Variants in EMC4 observed in about 807,000 individuals in gnomAD.
EMC4 encodes the protein cell proliferation-inducing gene 17 protein.
In EMC4, 9 loss-of-function variants were observed where a neutral mutation model predicts 24.2. The observed-to-expected ratio is 0.37, with a 90% confidence interval of 0.22 to 0.65. The LOEUF (loss-of-function observed/expected upper bound fraction) is 0.65. Ranked by LOEUF, EMC4 falls within the 30% of genes least tolerant of loss-of-function variation. The pLI, the probability that EMC4 is intolerant of heterozygous loss-of-function variation, is 0.59. For missense variants in EMC4, 169 were observed against 234.6 expected, an observed-to-expected ratio of 0.72 and a Z score of 1.83; for synonymous variants, 86 against 81.1, an observed-to-expected ratio of 1.06 and a Z score of -0.32.
intron 3 of EMC4, 75 bp from the exon 4 acceptor site, chr15:34,228,354 T>C (rs1890708478): frequency 1.3e-6 from 2 of 1,499,902 alleles, no homozygotes; most frequent in African/African-American, 2.8e-5. Context: ...TCTATATGAA[T>C]TTAATATACA....
chr15:34,229,917 C>T lies in EMC4; in HGVS notation c.*129C>T, dbSNP rs1890808204. The T allele has an allele frequency of 1.2e-6, 1 of 857,556 alleles. No individual in the cohort carries two copies. The highest frequency in any genetic ancestry group is 1.7e-5 in the African/African-American group (1 of 59,634). 53.1% of individuals were successfully genotyped at this position (857,556 alleles called of 1,614,324 possible). A position where few individuals can be genotyped will look rare whatever the true frequency, so the allele number is the denominator to read the frequency against. On this transcript the variant is annotated 3_prime_UTR_variant, in exon 5 of 5. Transcript: ENST00000267750. ...AAAAAGAACCAAAAGACTCTTTTCT[C>T]CATGGTGGGGTGACAGGTCCTAGAA...
chr15:34,225,166 G>C lies in EMC4; in HGVS notation c.52G>C (p.Ala18Pro). 1 of 1,551,536 alleles carries C rather than the reference G, an allele frequency of 6.4e-7. No homozygotes were observed. Among genetic ancestry groups the C allele is most frequent in the Non-Finnish European group, 8.7e-7 (1 of 1,146,894 alleles). The stretch of plus-strand genomic sequence containing the variant: ...TAACCGAGGCCGGCGCTTCAAGTGG[G>C]CCATTGAGCTAAGCGGGCCTGGAGG... ...VANRGRRFKWAIELSGPGGGS... is the reference protein window; with the variant it reads ...VANRGRRFKWPIELSGPGGGS... The change falls in exon 1 of 5, where the codon GCC becomes CCC. Residue 18 changes from alanine to proline, a missense_variant. Coordinates refer to ENST00000267750, the MANE Select transcript of EMC4 (RefSeq NM_016454.4).
In EMC4 at chr15:34,228,233, C is replaced by T. The variant is rs1890701945; in HGVS notation, c.356-196C>T. ...ATTCTTAGGGACAGTTTTTGGCTAACAGGTATATAGGGGAGTGGGGTAATG... is the reference window on the plus strand; with the variant it reads ...ATTCTTAGGGACAGTTTTTGGCTAATAGGTATATAGGGGAGTGGGGTAATG... On this transcript the variant is annotated intron_variant, in intron 3 of 4. Transcript: ENST00000267750. 5 of 578,388 alleles carry T rather than the reference C, an allele frequency of 8.6e-6. No homozygotes were observed. In the South Asian group the frequency reaches 9.1e-5, roughly 11 times the overall value. 35.8% of individuals were successfully genotyped at this position (578,388 alleles called of 1,614,324 possible).
intron 3 of EMC4, 97 bp downstream of exon 3, chr15:34,227,943 GGC>G: frequency 2.3e-6 from 3 of 1,324,864 alleles, no homozygotes; most frequent in South Asian, 1.3e-5. Context: ...CACTTTGGGA[GGC>G]GCCAAGCTGG....
chr15:34,227,608 G>A lies in EMC4; in HGVS notation c.202-85G>A, dbSNP rs532818522. The A allele has an allele frequency of 9.8e-6, 14 of 1,433,842 alleles. No individual in the cohort carries two copies. In the African/African-American group the frequency reaches 1.3e-4, roughly 13 times the overall value. 88.8% of individuals were successfully genotyped at this position (1,433,842 alleles called of 1,614,324 possible). On this transcript the variant is annotated intron_variant, in intron 2 of 4. Transcript: ENST00000267750. ...TTAGAAGCAGGGAGTTGGGAATTCC[G>A]TTCATGTGATTTAGCATCAGTGATA...
At position 34,225,031 on chromosome 15, in the gene EMC4, G is replaced by A. The variant is rs188449544; in HGVS notation, c.-84G>A. On this transcript the variant is annotated 5_prime_UTR_variant, in exon 1 of 5. Transcript: ENST00000267750. ...CGCCGGAAGTGCATTTGCAGAGTGA[G>A]ACAAAGCGGAGAACGCTGGTGGGCC... 3.0e-5 allele frequency: 35 copies of A among 1,170,712 alleles called. No homozygotes were observed. In the African/African-American group the frequency reaches 4.7e-4, roughly 16 times the overall value. 72.5% of individuals were successfully genotyped at this position (1,170,712 alleles called of 1,614,324 possible).
chr15:34,229,813 C>T lies in EMC4; in HGVS notation c.*25C>T. 6.2e-7 allele frequency: 1 copy of T among 1,611,518 alleles called. No individual in the cohort carries two copies. ...AACATGAGAAAGCAGCGCCTGGTCC[C>T]TATGTATTTGGGTCTTATTTACATC... On this transcript the variant is annotated 3_prime_UTR_variant, in exon 5 of 5. Coordinates refer to ENST00000267750, the MANE Select transcript of EMC4 (RefSeq NM_016454.4).
intron 1 of EMC4, 104 bp from the exon 2 acceptor site, chr15:34,225,432 G>A: frequency 1.1e-6 from 1 of 937,582 alleles, no homozygotes; most frequent in East Asian, 2.4e-5. Context: ...TCTAATCTGA[G>A]TAGGTGCATC....
chr15:34,229,813 C>G lies in EMC4; in HGVS notation c.*25C>G. 1 of 1,611,518 alleles carries G rather than the reference C, an allele frequency of 6.2e-7. No individual in the cohort carries two copies. The highest frequency in any genetic ancestry group is 1.1e-5 in the South Asian group (1 of 91,012). ...AACATGAGAAAGCAGCGCCTGGTCCCTATGTATTTGGGTCTTATTTACATC... is the reference window on the plus strand; with the variant it reads ...AACATGAGAAAGCAGCGCCTGGTCCGTATGTATTTGGGTCTTATTTACATC... On this transcript the variant is annotated 3_prime_UTR_variant, in exon 5 of 5. Coordinates refer to ENST00000267750, the MANE Select transcript of EMC4 (RefSeq NM_016454.4).
chr15:34,225,411 AG>A (rs1890623354), intron 1 of EMC4, 124 bp from the exon 2 acceptor site: 2 of 842,296 alleles, frequency 2.4e-6, no homozygotes, highest in Non-Finnish European at 3.9e-6. Flanking sequence ...GGAACATACG[AG>A]GGGGCTTGGT....
chr15:34,226,405 T>G (rs1890651514), intron 2 of EMC4: 1 of 153,046 alleles, frequency 6.5e-6, no homozygotes, highest in East Asian at 1.9e-4. Flanking sequence ...GTATTGATTT[T>G]TTAAAAATTA....
intron 1 of EMC4, 41 bp downstream of exon 1, chr15:34,225,241 G>T: frequency 6.8e-7 from 1 of 1,471,022 alleles, no homozygotes; most frequent in Non-Finnish European, 9.2e-7. Flanking sequence ...GTTCATCCCA[G>T]AACTGCACCA....
At position 34,228,349 on chromosome 15, in the gene EMC4, A is replaced by G. The variant is rs1291536351; in HGVS notation, c.356-80A>G. On this transcript the variant is annotated intron_variant, in intron 3 of 4. Transcript: ENST00000267750. ...GCTGTCTTACTATGGGTCTGTCTATATGAATTTAATATACAGTTGGCTTGA... is the reference window on the plus strand; with the variant it reads ...GCTGTCTTACTATGGGTCTGTCTATGTGAATTTAATATACAGTTGGCTTGA... The G allele has an allele frequency of 1.6e-5, 23 of 1,465,858 alleles. No individual in the cohort carries two copies. The East Asian group carries it at 4.3e-4, about 27-fold the overall frequency. The allele number at this position is 1,465,858 out of a possible 1,614,324, so 90.8% of individuals were successfully genotyped here. A position where few individuals can be genotyped will look rare whatever the true frequency, so the allele number is the denominator to read the frequency against.
Position 34,229,961 on chromosome 15 carries a change from G to A in EMC4, c.*173G>A, listed in dbSNP as rs746181651. 42 of 660,834 alleles carry A rather than the reference G, an allele frequency of 6.4e-5. No individual in the cohort carries two copies. Among genetic ancestry groups the A allele is most frequent in the Non-Finnish European group, 8.5e-5 (32 of 374,968 alleles). 40.9% of individuals were successfully genotyped at this position (660,834 alleles called of 1,614,324 possible). A position where few individuals can be genotyped will look rare whatever the true frequency, so the allele number is the denominator to read the frequency against. On this transcript the variant is annotated 3_prime_UTR_variant, in exon 5 of 5. Transcript: ENST00000267750. ...CCTAGAAGGACAATGTGCATATTAC[G>A]ACAAACACAAAGAAACTATACCATA... is the stretch of plus-strand genomic sequence containing the variant.
intron 4 of EMC4, chr15:34,228,973 C>A: frequency 5.1e-6 from 1 of 195,872 alleles, no homozygotes; most frequent in Non-Finnish European, 1.0e-5. Flanking sequence ...CAGGCGTGAG[C>A]CACTGCGCCT....
intron 3 of EMC4, 33 bp from the exon 4 acceptor site, chr15:34,228,396 C>T: frequency 6.2e-7 from 1 of 1,609,056 alleles, no homozygotes; most frequent in South Asian, 1.1e-5. Flanking sequence ...GGAAAGAGTT[C>T]TTTTGGTTTG....
intron 4 of EMC4, chr15:34,229,371 T>C (rs963867667): frequency 4.2e-5 from 7 of 168,316 alleles, no homozygotes; most frequent in Non-Finnish European, 8.9e-5. Flanking sequence ...TGAAACAGGG[T>C]CTTGCTCTGT....
At chr15:34,228,397 T>C (rs1890710631) in intron 3 of EMC4, 32 bp from the exon 4 acceptor site, 1 of 1,609,816 alleles carries the variant, frequency 6.2e-7, no homozygotes, top group Non-Finnish European at 8.5e-7. Flanking sequence ...GAAAGAGTTC[T>C]TTTGGTTTGA....
At chr15:34,226,461 T>G (rs1890652576) in intron 2 of EMC4, 1 of 152,234 alleles carries the variant, frequency 6.6e-6, no homozygotes, top group South Asian at 2.1e-4. Context: ...CCAGTATTGA[T>G]TTTATTAATC....
Sources: gnomAD v4.1 joint callset for allele counts on GRCh38, gnomAD v4.1.1 for gene constraint, MANE v1.5 for transcripts, NCBI Gene and HGNC (gene_info 2026-07-23, HGNC 2026-07-21) for gene names.